COMMD5: variants seen among roughly 807,000 people sequenced by gnomAD.
COMMD5 encodes COMM domain-containing protein 5.
COMMD5 carries 10 observed loss-of-function variants against 6.9 expected under a neutral mutation model. The observed-to-expected ratio is 1.44, with a 90% CI of 0.89 to 2.45. The LOEUF is 2.45. COMMD5 is among the 30% of genes most tolerant of loss of function. The probability of loss-of-function intolerance (pLI) is 0.00; values close to 1 mark genes in which losing one functional copy is unlikely to be tolerated. For synonymous variants in COMMD5, 127 were observed against 125.3 expected, an observed-to-expected ratio of 1.01 and a Z score of -0.09; for missense variants, 234 against 287.8, an observed-to-expected ratio of 0.81 and a Z score of 1.35.
downstream of COMMD5, among the ~76,000 whole-genome samples, chr8:144,839,849 G>GACC (rs949260488): frequency 1.3e-5 from 2 of 152,224 alleles, no homozygotes; most frequent in African/African-American, 4.8e-5. Context: ...CCACGCTTTT[G>GACC]ACCACCACCG....
At chr8:144,843,135 G>A in intron 1 of COMMD5, 1 of 1,598,064 alleles carries the variant, frequency 6.3e-7, no homozygotes, top group Non-Finnish European at 8.5e-7. Context: ...GTAGCTCAAG[G>A]CTTACCCAGC....
intron 1 of COMMD5, among the ~76,000 whole-genome samples, 162 bp from the exon 2 acceptor site, chr8:144,851,557 TGTCA>T (rs1356035178): frequency 6.6e-6 from 1 of 151,960 alleles, no homozygotes; most frequent in South Asian, 2.1e-4. Context: ...GAGGGGTCCA[TGTCA>T]GTCCCAGGAG....
chr8:144,849,458 G>A (rs1830642224), downstream of COMMD5, among the ~76,000 whole-genome samples: 1 of 152,120 alleles, frequency 6.6e-6, no homozygotes, highest in South Asian at 2.1e-4. Context: ...AGAAATCCAG[G>A]CTAGTGGAGG....
chr8:144,842,939 A>G (rs748846039), intron 1 of COMMD5: 1 of 1,614,208 alleles, frequency 6.2e-7, no homozygotes, highest in Non-Finnish European at 8.5e-7. Context: ...TGGTTTTACG[A>G]ATATGGGAAT....
chr8:144,845,972 A>G (rs1563851769), downstream of COMMD5: 10 of 1,536,186 alleles, frequency 6.5e-6, no homozygotes, highest in Non-Finnish European at 8.7e-6. Context: ...CTTTTTCTCT[A>G]CTTCAGGCTT....
intron 1 of COMMD5, among the ~76,000 whole-genome samples, chr8:144,844,332 A>ATGAC (rs1251112816): frequency 9.9e-5 from 15 of 152,188 alleles, no homozygotes; most frequent in Non-Finnish European, 2.9e-5. Flanking sequence ...CCTGAGGCTG[A>ATGAC]TGACTGTCTT....
chr8:144,853,285 T>TGCGCCCGCGTCTCCCTCC (rs1317546277), upstream of COMMD5: 1 of 151,976 alleles, frequency 6.6e-6, no homozygotes, highest in East Asian at 1.9e-4. Flanking sequence ...AACTGCGGCC[T>TGCGCCCGCGTCTCCCTCC]GCGCCCGCGT....
chr8:144,845,030 G>A (rs796228339), intron 1 of COMMD5, among the ~76,000 whole-genome samples: 2 of 152,094 alleles, frequency 1.3e-5, no homozygotes, highest in African/African-American at 2.4e-5. Flanking sequence ...GGAGAAACAG[G>A]GGCAGGGTCA....
chr8:144,851,377 C>A lies in COMMD5; in HGVS notation c.-39G>T. The A allele has an allele frequency of 6.4e-7, 1 of 1,572,634 alleles. No individual in the cohort carries two copies. Among genetic ancestry groups the A allele is most frequent in the South Asian group, 1.2e-5 (1 of 84,414 alleles). On this transcript the variant is annotated 5_prime_UTR_variant, in exon 2 of 2. Transcript: ENST00000305103. ...TCTTTGATCAGCCAGCCCAGGAGGT[C>A]GGTCCCAGATGCAGATGCCTAGAGT...
At chr8:144,842,860 G>C in intron 1 of COMMD5, 1 of 1,614,226 alleles carries the variant, frequency 6.2e-7, no homozygotes, top group East Asian at 2.2e-5. Flanking sequence ...TGAGTGCAGT[G>C]AGTGTGGAAA....
At chr8:144,842,997 A>C (rs754477142) in intron 1 of COMMD5, 1 of 1,614,092 alleles carries the variant, frequency 6.2e-7, no homozygotes, top group Non-Finnish European at 8.5e-7. Context: ...TTAATACTAT[A>C]AAGAAACTGC....
At chr8:144,848,274 C>G (rs532246222), downstream of COMMD5, among the ~76,000 whole-genome samples, 2 of 151,936 alleles carry the variant, frequency 1.3e-5, no homozygotes, top group South Asian at 4.2e-4. Flanking sequence ...CCATTGCATT[C>G]CAGACTGGAT....
At chr8:144,840,507 AT>A (rs989344976), downstream of COMMD5, among the ~76,000 whole-genome samples, 24 of 152,150 alleles carry the variant, frequency 1.6e-4, no homozygotes, top group African/African-American at 5.6e-4. Context: ...GGTTGTCATG[AT>A]CATAGCCGTG....
At chr8:144,843,346 T>C in intron 1 of COMMD5, 2 of 727,060 alleles carry the variant, frequency 2.8e-6, no homozygotes, top group Non-Finnish European at 4.2e-6. Flanking sequence ...TCCCAGCACT[T>C]TGGGAGGCCA....
chr8:144,840,800 G>C (rs910097238), downstream of COMMD5, among the ~76,000 whole-genome samples: 1 of 152,124 alleles, frequency 6.6e-6, no homozygotes, highest in Non-Finnish European at 1.5e-5. Flanking sequence ...GGCAGCTGAG[G>C]GGGCTGGGTC....
upstream of COMMD5, chr8:144,853,166 G>A (rs1830831239): frequency 6.6e-6 from 1 of 152,142 alleles, no homozygotes; most frequent in African/African-American, 2.4e-5. Flanking sequence ...CCCCGCCCGG[G>A]GGAATCGGGG....
chr8:144,841,533 A>G, exon 2 of COMMD5: 1 of 1,614,184 alleles, frequency 6.2e-7, no homozygotes, highest in Non-Finnish European at 8.5e-7. Flanking sequence ...CCGGGCTGAA[A>G]GTGACAGGCT....
intron 1 of COMMD5, chr8:144,843,124 C>A: frequency 6.2e-7 from 1 of 1,609,774 alleles, no homozygotes; most frequent in Non-Finnish European, 8.5e-7. Context: ...AGCTTTTAAT[C>A]GTAGCTCAAG....
intron 1 of COMMD5, among the ~76,000 whole-genome samples, chr8:144,844,422 G>A (rs773231257): frequency 4.6e-5 from 7 of 152,080 alleles, no homozygotes; most frequent in Admixed American, 2.0e-4. Flanking sequence ...AGAAAAAGAC[G>A]AAAATGGGCC....
Sources: gnomAD v4.1 joint callset for allele counts (sites outside exome capture counted in the v4.1 genomes callset) on GRCh38, gnomAD v4.1.1 for gene constraint, MANE v1.5 for transcripts, NCBI Gene and HGNC (gene_info 2026-07-23, HGNC 2026-07-21) for gene names.